Variants in EHBP1 observed in about 807,000 individuals in gnomAD.
EHBP1 encodes EH domain binding protein 1, also known as EH domain-binding protein 1.
In EHBP1, 55 loss-of-function variants were observed where a neutral mutation model predicts 144.0. The ratio of observed to expected loss-of-function variants is 0.38; its 90% CI spans 0.31 to 0.48. The LOEUF (loss-of-function observed/expected upper bound fraction) is 0.48. EHBP1 is among the 20% of genes least tolerant of loss of function. The pLI is 0.98. For missense variants in EHBP1, 1,200 were observed against 1,364.2 expected (o/e 0.88, Z 1.90); for synonymous variants, 469 against 472.7 (o/e 0.99, Z 0.10).
chr2:62,870,023 A>C (rs2050336035), intron 9 of EHBP1, among the ~76,000 whole-genome samples: 1 of 152,118 alleles, frequency 6.6e-6, no homozygotes, highest in South Asian at 2.1e-4. Flanking sequence ...AAATACATAA[A>C]CTTTTGTGTA....
chr2:62,962,756 A>G (rs1412113240), intron 14 of EHBP1, among the ~76,000 whole-genome samples: 2 of 152,230 alleles, frequency 1.3e-5, no homozygotes, highest in Non-Finnish European at 2.9e-5. Flanking sequence ...GAATTTATAA[A>G]TATGTTTGTT....
chr2:62,979,855 A>AT (rs2058882366), intron 15 of EHBP1, among the ~76,000 whole-genome samples: 1 of 152,180 alleles, frequency 6.6e-6, no homozygotes, highest in Admixed American at 6.5e-5. Context: ...TGCAGAGATT[A>AT]ATCTAAGCTT....
chr2:62,819,784 A>C lies in EHBP1; in HGVS notation c.313-6303A>C, dbSNP rs200826959. Reference sequence around the variant, plus strand: ...AGCTCAAAAAAACAAAAAAAAAAAAACCCGCGACAACCCATATGTCCATCA... The same window carrying C: ...AGCTCAAAAAAACAAAAAAAAAAAACCCCGCGACAACCCATATGTCCATCA... On this transcript the variant is annotated intron_variant, in intron 5 of 22. Coordinates refer to ENST00000431489, the MANE Select transcript of EHBP1 (RefSeq NM_001142616.3). Among the ~76,000 whole-genome samples the C allele has an allele frequency of 1.5e-4, 23 of 151,680 alleles. No homozygotes were observed. In the South Asian group the frequency reaches 1.7e-3, roughly 11 times the overall value.
chr2:62,705,271 C>T (rs188922828), upstream of EHBP1, among the ~76,000 whole-genome samples: 4 of 152,106 alleles, frequency 2.6e-5, no homozygotes, highest in East Asian at 1.9e-4. Flanking sequence ...AACCCACAGG[C>T]AGCTGCACTG....
intron 1 of EHBP1, among the ~76,000 whole-genome samples, chr2:62,697,013 G>A (rs577606256): frequency 1.3e-5 from 2 of 152,116 alleles, no homozygotes; most frequent in African/African-American, 2.4e-5. Flanking sequence ...AATAGGATGG[G>A]TGTGTTTGTT....
At chr2:62,966,628 G>A (rs1168091412) in intron 14 of EHBP1, among the ~76,000 whole-genome samples, 1 of 151,890 alleles carries the variant, frequency 6.6e-6, no homozygotes, top group Non-Finnish European at 1.5e-5. Context: ...GAAAATTCAG[G>A]CACTTATTTT....
chr2:62,948,624 A>G lies in EHBP1; in HGVS notation c.1778A>G (p.His593Arg), dbSNP rs150604640. ...DSGVGESESE[H>R]QTPDDHLSPS... is the part of the protein sequence containing the mutation. ...GGGGTTGGAGAGTCAGAAAGTGAGC[A>G]TCAAACTCCTGATGATCACCTTAGT... The change falls in exon 13 of 23, where the codon CAT (histidine) becomes CGT (arginine). Residue 593 changes from histidine to arginine, a missense_variant. His to Arg is a conservative substitution (Grantham distance 29). Around this residue, in one of 6 missense-constraint regions of EHBP1, gnomAD observed 543 missense variants for 513.1 expected, o/e 1.06. Coordinates refer to ENST00000431489, the MANE Select transcript of EHBP1 (RefSeq NM_001142616.3). The G allele has an allele frequency of 9.7e-4, 1,562 of 1,613,992 alleles. 3 individuals carry two copies. Among genetic ancestry groups the G allele is most frequent in the Non-Finnish European group, 1.2e-3 (1,429 of 1,179,998 alleles).
At chr2:62,838,161 A>G (rs1290170561) in intron 7 of EHBP1, among the ~76,000 whole-genome samples, 1 of 151,914 alleles carries the variant, frequency 6.6e-6, no homozygotes, top group African/African-American at 2.4e-5. Flanking sequence ...CAGTGCAATC[A>G]AACTAGAACT....
chr2:62,750,580 G>A (rs964285697), intron 3 of EHBP1, among the ~76,000 whole-genome samples: 1 of 152,168 alleles, frequency 6.6e-6, no homozygotes, highest in Non-Finnish European at 1.5e-5. Flanking sequence ...GGGCAGTATG[G>A]CCATTTTCAT....
intron 10 of EHBP1, among the ~76,000 whole-genome samples, chr2:62,923,080 G>A (rs1393301464): frequency 6.6e-6 from 1 of 152,112 alleles, no homozygotes; most frequent in Non-Finnish European, 1.5e-5. Context: ...TGAGACCAGG[G>A]ACACCTCTGA....
chr2:62,851,894 T>A (rs555221510), intron 7 of EHBP1, among the ~76,000 whole-genome samples: 7 of 152,266 alleles, frequency 4.6e-5, no homozygotes, highest in South Asian at 2.1e-4. Flanking sequence ...AGAAATTACT[T>A]TGAATTAGTT....
rs1246921864 is a variant in EHBP1 at position 62,922,091 on chromosome 2, C to T, written c.1186-20627C>T. 2.6e-5 allele frequency among the ~76,000 whole-genome samples: 4 copies of T among 152,290 alleles called. No homozygotes were observed. In the East Asian group the frequency reaches 7.7e-4, roughly 29 times the overall value. Reference sequence around the variant, plus strand: ...TCAGGAGGCTGAGGCAGGAGAATCGCTTGCACCTGGGAGGTGGAGGTTGCA... The same window carrying T: ...TCAGGAGGCTGAGGCAGGAGAATCGTTTGCACCTGGGAGGTGGAGGTTGCA... On this transcript the variant is annotated intron_variant, in intron 10 of 22. Coordinates refer to ENST00000431489, the MANE Select transcript of EHBP1 (RefSeq NM_001142616.3).
rs544969663 is a variant in EHBP1, at chr2:62,968,969, C to G, written c.2461-10219C>G. On this transcript the variant is annotated intron_variant, in intron 14 of 22. Transcript: ENST00000431489. Reference sequence around the variant, plus strand: ...GAGCAGCCAGACAACCAGCAAGAGGCCTTGGATGTAACACAAGGTGATACT... The same window carrying G: ...GAGCAGCCAGACAACCAGCAAGAGGGCTTGGATGTAACACAAGGTGATACT... Among the ~76,000 whole-genome samples, 13 of 152,270 alleles carry G rather than the reference C, an allele frequency of 8.5e-5. No homozygotes were observed. In the South Asian group the frequency reaches 2.7e-3, roughly 32 times the overall value.
intron 6 of EHBP1, among the ~76,000 whole-genome samples, chr2:62,828,880 C>T (rs972214504): frequency 6.6e-6 from 1 of 152,034 alleles, no homozygotes; most frequent in Admixed American, 6.5e-5. Flanking sequence ...CCTGTAATCC[C>T]AACACTTTGG....
chr2:63,032,566 CAA>C (rs35237077), intron 19 of EHBP1, among the ~76,000 whole-genome samples: 11 of 28,292 alleles, frequency 3.9e-4, no homozygotes, highest in African/African-American at 9.3e-4. Context: ...GACTCTGTCT[CAA>C]AAAAAAAAAA....
chr2:62,729,600 T>A (rs2037295296), intron 2 of EHBP1, among the ~76,000 whole-genome samples: 1 of 131,228 alleles, frequency 7.6e-6, no homozygotes, highest in Non-Finnish European at 1.6e-5. Context: ...ATATATATAA[T>A]AATAAATATA....
chr2:62,704,299 A>G (rs2034373668), upstream of EHBP1, among the ~76,000 whole-genome samples: 1 of 152,226 alleles, frequency 6.6e-6, no homozygotes, highest in African/African-American at 2.4e-5. Flanking sequence ...TGGAAATTGA[A>G]TTAGATACTG....
intron 19 of EHBP1, among the ~76,000 whole-genome samples, chr2:63,003,047 A>G (rs992580756): frequency 3.9e-5 from 6 of 152,188 alleles, no homozygotes; most frequent in South Asian, 4.1e-4. Flanking sequence ...TTTGGTCCAT[A>G]TGATTTTTTA....
intron 2 of EHBP1, among the ~76,000 whole-genome samples, chr2:62,743,481 A>G (rs143861221): frequency 6.6e-6 from 1 of 152,204 alleles, no homozygotes; most frequent in East Asian, 1.9e-4. Context: ...CTTCCAGTGG[A>G]TCTTTCTTTC....
Sources: allele counts gnomAD v4.1 joint callset (sites outside exome capture counted in the v4.1 genomes callset), GRCh38; gene constraint gnomAD v4.1.1; regional missense constraint gnomAD v4.1.1; transcripts MANE v1.5; gene names NCBI Gene and HGNC (gene_info 2026-07-23, HGNC 2026-07-21).